Variants in DOK5 observed in about 807,000 individuals in gnomAD.
DOK5 encodes the protein docking protein 5.
A neutral mutation model predicts 43.3 loss-of-function variants in DOK5; 27 were observed. The ratio of observed to expected loss-of-function variants is 0.62; its 90% CI spans 0.46 to 0.86. DOK5 has a LOEUF of 0.86. Ranked by LOEUF, DOK5 falls within the 40% of genes least tolerant of loss-of-function variation. The pLI is 0.00. For missense variants in DOK5, 373 were observed against 392.9 expected, an observed-to-expected ratio of 0.95 and a Z score of 0.43; for synonymous variants, 146 against 140.1, an observed-to-expected ratio of 1.04 and a Z score of -0.30.
intron 1 of DOK5, among the ~76,000 whole-genome samples, chr20:54,503,554 C>A (rs1982690867): frequency 6.6e-6 from 1 of 152,132 alleles, no homozygotes; most frequent in African/African-American, 2.4e-5. Context: ...ATAGTTTTCA[C>A]TGTTATTCAC....
At chr20:54,619,049 A>T (rs1349629695) in intron 6 of DOK5, among the ~76,000 whole-genome samples, 1 of 118,306 alleles carries the variant, frequency 8.5e-6, no homozygotes, top group African/African-American at 3.4e-5. Context: ...ATATATATAT[A>T]TATATATATA....
chr20:54,596,250 TGAAACAAA>T (rs1986137586), intron 5 of DOK5, among the ~76,000 whole-genome samples: 1 of 152,262 alleles, frequency 6.6e-6, no homozygotes, highest in South Asian at 2.1e-4. Flanking sequence ...TTGGATGTGT[TGAAACAAA>T]GCAGTTTTAT....
At chr20:54,592,596 G>A (rs1986010345) in intron 5 of DOK5, among the ~76,000 whole-genome samples, 2 of 150,740 alleles carry the variant, frequency 1.3e-5, no homozygotes, top group African/African-American at 4.9e-5. Flanking sequence ...CTGGAGTGTA[G>A]GTGGCACAGT....
intron 1 of DOK5, among the ~76,000 whole-genome samples, chr20:54,539,114 C>T (rs933851600): frequency 6.6e-6 from 1 of 151,714 alleles, no homozygotes; most frequent in African/African-American, 2.4e-5. Flanking sequence ...TAGGGTGAAA[C>T]GCTGTCTCTA....
intron 6 of DOK5, among the ~76,000 whole-genome samples, chr20:54,637,996 C>T (rs376080803): frequency 6.6e-6 from 1 of 152,028 alleles, no homozygotes; most frequent in Non-Finnish European, 1.5e-5. Context: ...GTGGCGGGCA[C>T]CTGTAGTCCC....
intron 5 of DOK5, among the ~76,000 whole-genome samples, chr20:54,594,384 C>T (rs1056225735): frequency 6.6e-6 from 1 of 152,042 alleles, no homozygotes; most frequent in Non-Finnish European, 1.5e-5. Flanking sequence ...CAGAGTGGAC[C>T]TTGTCTCAAA....
At position 54,485,947 on chromosome 20, in the gene DOK5, T is replaced by C. The variant is rs1347133566; in HGVS notation, c.66+9935T>C. Among the ~76,000 whole-genome samples the C allele has an allele frequency of 2.0e-5, 3 of 152,352 alleles. No homozygotes were observed. In the East Asian group the frequency reaches 5.8e-4, roughly 29 times the overall value. ...TTTTCATGTTCCTGTTTGCCGTCCATGTCAGTAAAATGCCTGGATTGCTTA... is the reference window on the plus strand; with the variant it reads ...TTTTCATGTTCCTGTTTGCCGTCCACGTCAGTAAAATGCCTGGATTGCTTA... On this transcript the variant is annotated intron_variant, in intron 1 of 7. Transcript: ENST00000262593.
intron 2 of DOK5, among the ~76,000 whole-genome samples, chr20:54,568,009 C>A (rs1466729228): frequency 6.6e-6 from 1 of 152,124 alleles, no homozygotes; most frequent in East Asian, 1.9e-4. Flanking sequence ...TATGACAAAA[C>A]AATCATCTAG....
intron 6 of DOK5, among the ~76,000 whole-genome samples, chr20:54,642,989 T>C (rs1979197017): frequency 6.6e-6 from 1 of 152,230 alleles, no homozygotes. Context: ...TCAACACATG[T>C]TACTTGTATA....
chr20:54,588,471 G>T lies in DOK5; in HGVS notation c.175-12G>T, dbSNP rs751933931. ...CAGGGAGTGTGTCAAACTTCTAATT[G>T]TTCATTTTCAGGTTACAGAACTCAA... On this transcript the variant is annotated splice_polypyrimidine_tract_variant and intron_variant, in intron 2 of 7. Coordinates refer to ENST00000262593, the MANE Select transcript of DOK5 (RefSeq NM_018431.5). 28 of 1,611,298 alleles carry T rather than the reference G, an allele frequency of 1.7e-5. No homozygotes were observed. In the South Asian group the frequency reaches 2.7e-4, roughly 16 times the overall value.
intron 6 of DOK5, among the ~76,000 whole-genome samples, chr20:54,639,720 T>C (rs1979014352): frequency 1.3e-5 from 2 of 152,202 alleles, no homozygotes; most frequent in South Asian, 4.1e-4. Flanking sequence ...GTTGATAGAT[T>C]CTGTGGCTTT....
chr20:54,617,760 T>C (rs889634441), intron 6 of DOK5, among the ~76,000 whole-genome samples: 22 of 152,236 alleles, frequency 1.4e-4, no homozygotes, highest in Non-Finnish European at 7.3e-5. Context: ...CTTTCTGGAA[T>C]AATATTTACT....
intron 4 of DOK5, among the ~76,000 whole-genome samples, chr20:54,589,389 C>T (rs1228557773): frequency 6.6e-6 from 1 of 152,124 alleles, no homozygotes; most frequent in Non-Finnish European, 1.5e-5. Context: ...CATCTAAAAT[C>T]TGTAATTAAA....
chr20:54,518,359 G>A (rs906948252), intron 1 of DOK5, among the ~76,000 whole-genome samples: 2 of 151,620 alleles, frequency 1.3e-5, no homozygotes, highest in African/African-American at 4.9e-5. Flanking sequence ...CCACCTATGA[G>A]TGAGAACATG....
At chr20:54,516,517 G>A (rs1201680977) in intron 1 of DOK5, among the ~76,000 whole-genome samples, 1 of 152,130 alleles carries the variant, frequency 6.6e-6, no homozygotes, top group Non-Finnish European at 1.5e-5. Context: ...CCTTCCTTGG[G>A]TTGTGGGTAG....
chr20:54,496,244 C>T (rs1982386607), intron 1 of DOK5, among the ~76,000 whole-genome samples: 1 of 152,152 alleles, frequency 6.6e-6, no homozygotes, highest in Non-Finnish European at 1.5e-5. Flanking sequence ...AAATAGGTGT[C>T]ATGAATACAA....
At chr20:54,605,479 G>A (rs1381155517) in intron 5 of DOK5, among the ~76,000 whole-genome samples, 1 of 152,166 alleles carries the variant, frequency 6.6e-6, no homozygotes, top group Admixed American at 6.5e-5. Context: ...AGCCCCGCAG[G>A]CTACCCCTCT....
intron 6 of DOK5, among the ~76,000 whole-genome samples, chr20:54,619,225 G>A (rs1002075950): frequency 6.6e-6 from 1 of 150,836 alleles, no homozygotes; most frequent in Non-Finnish European, 1.5e-5. Flanking sequence ...TGGAAGAAGT[G>A]GGGGTGGGCC....
intron 1 of DOK5, among the ~76,000 whole-genome samples, chr20:54,497,563 A>G (rs1471018187): frequency 1.3e-5 from 2 of 152,206 alleles, no homozygotes; most frequent in East Asian, 1.9e-4. Flanking sequence ...GCTCTATTCT[A>G]TGTTACTCCA....
Sources: allele counts gnomAD v4.1 joint callset (sites outside exome capture counted in the v4.1 genomes callset), GRCh38; gene constraint gnomAD v4.1.1; transcripts MANE v1.5; gene names NCBI Gene and HGNC (gene_info 2026-07-23, HGNC 2026-07-21).